The following NCAM2 variants were observed in gnomAD, a reference collection of about 807,000 sequenced individuals.
NCAM2 encodes neural cell adhesion molecule 2, also known as N-CAM-2.
A neutral mutation model predicts 98.1 loss-of-function variants in NCAM2; 30 were observed. The observed-to-expected ratio is 0.31, with a 90% confidence interval of 0.23 to 0.41. NCAM2 has a LOEUF of 0.41. Among genes scored for constraint, NCAM2 ranks in the 10% least tolerant of loss-of-function variants. NCAM2 has a pLI of 1.00. For synonymous variants in NCAM2, 368 were observed against 342.4 expected, an observed-to-expected ratio of 1.07 and a Z score of -0.83; for missense variants, 867 against 1,005.8, an observed-to-expected ratio of 0.86 and a Z score of 1.87.
chr21:21,487,533 G>A (rs961411210), intron 15 of NCAM2, among the ~76,000 whole-genome samples: 4 of 151,854 alleles, frequency 2.6e-5, no homozygotes, highest in Non-Finnish European at 4.4e-5. Flanking sequence ...GTATTGTATC[G>A]TTCACTGTTA....
At chr21:21,062,197 G>A (rs757072583) in intron 1 of NCAM2, among the ~76,000 whole-genome samples, 66 of 152,238 alleles carry the variant, frequency 4.3e-4, no homozygotes, top group African/African-American at 1.5e-3. Flanking sequence ...TGGCATATAC[G>A]TAAGTATAAA....
At chr21:21,082,221 C>G (rs1336760085) in intron 1 of NCAM2, among the ~76,000 whole-genome samples, 1 of 102,704 alleles carries the variant, frequency 9.7e-6, no homozygotes, top group Non-Finnish European at 1.7e-5. Context: ...GAGTGAGAAT[C>G]CTTTAAAAAA....
At chr21:21,409,847 A>G (rs2076820271) in intron 9 of NCAM2, among the ~76,000 whole-genome samples, 1 of 152,178 alleles carries the variant, frequency 6.6e-6, no homozygotes, top group South Asian at 2.1e-4. Flanking sequence ...GCGGTGGCTC[A>G]CGCCTGTAAT....
At chr21:21,125,059 A>G (rs565551212) in intron 1 of NCAM2, among the ~76,000 whole-genome samples, 1 of 152,220 alleles carries the variant, frequency 6.6e-6, no homozygotes, top group South Asian at 2.1e-4. Flanking sequence ...TTTATTACAT[A>G]TACTATTACC....
At chr21:21,373,534 A>G (rs2075967311) in intron 8 of NCAM2, among the ~76,000 whole-genome samples, 1 of 151,822 alleles carries the variant, frequency 6.6e-6, no homozygotes, top group South Asian at 2.1e-4. Context: ...TCCAAATTGT[A>G]AAGTGTGCTT....
chr21:21,350,384 A>G (rs2075302338), intron 8 of NCAM2, among the ~76,000 whole-genome samples: 2 of 152,086 alleles, frequency 1.3e-5, no homozygotes, highest in East Asian at 1.9e-4. Flanking sequence ...AATTGTTTTT[A>G]TTTTATTATT....
chr21:21,279,961 A>C (rs1412125258), intron 1 of NCAM2, among the ~76,000 whole-genome samples: 1 of 152,198 alleles, frequency 6.6e-6, no homozygotes, highest in East Asian at 1.9e-4. Context: ...AAACTTCTAG[A>C]TATTCAAGTA....
chr21:21,528,384 G>A (rs1989442453), intron 16 of NCAM2, among the ~76,000 whole-genome samples: 1 of 152,166 alleles, frequency 6.6e-6, no homozygotes, highest in Non-Finnish European at 1.5e-5. Context: ...TTCATTGATT[G>A]TAACAAATGC....
At chr21:21,136,198 T>A (rs1192226515) in intron 1 of NCAM2, among the ~76,000 whole-genome samples, 1 of 152,206 alleles carries the variant, frequency 6.6e-6, no homozygotes, top group Non-Finnish European at 1.5e-5. Flanking sequence ...AAATGGAGAC[T>A]CCTCACTATT....
intron 1 of NCAM2, among the ~76,000 whole-genome samples, chr21:21,231,003 C>T (rs1250467025): frequency 1.3e-5 from 2 of 151,170 alleles, no homozygotes; most frequent in African/African-American, 4.8e-5. Context: ...GACATTACTC[C>T]AGTGTGTGCT....
intron 1 of NCAM2, chr21:21,210,811 T>A: frequency 2.8e-6 from 1 of 356,432 alleles, no homozygotes; most frequent in Non-Finnish European, 4.8e-6. Flanking sequence ...ATGTGTCTTG[T>A]AGTTCAAAGG....
At chr21:21,026,639 T>A (rs9977107) in intron 1 of NCAM2, among the ~76,000 whole-genome samples, 148,412 of 150,454 alleles carry the variant, frequency 0.99, 73,208 homozygotes, top group East Asian at 1. Context: ...AAAAAAAAAA[T>A]TTTTCAAATT....
intron 8 of NCAM2, among the ~76,000 whole-genome samples, chr21:21,371,600 C>T (rs112046487): frequency 6.6e-6 from 1 of 151,810 alleles, no homozygotes; most frequent in African/African-American, 2.4e-5. Context: ...TGGAATTCTT[C>T]CCTCAACACC....
intron 1 of NCAM2, among the ~76,000 whole-genome samples, chr21:21,218,333 A>T (rs1304973470): frequency 6.6e-6 from 1 of 152,090 alleles, no homozygotes. Flanking sequence ...GAGGTTTGTG[A>T]CCAAGTATAC....
intron 5 of NCAM2, among the ~76,000 whole-genome samples, chr21:21,294,148 A>C (rs971671332): frequency 2.0e-5 from 3 of 150,928 alleles, no homozygotes; most frequent in Non-Finnish European, 4.4e-5. Context: ...TTTTGCACCA[A>C]CCTAATATTT....
chr21:21,117,034 T>C (rs1321304273), intron 1 of NCAM2, among the ~76,000 whole-genome samples: 1 of 152,196 alleles, frequency 6.6e-6, no homozygotes, highest in East Asian at 1.9e-4. Context: ...AAAAGGATTA[T>C]GTATATTCAG....
chr21:21,087,072 G>GTA (rs2065919556), intron 1 of NCAM2, among the ~76,000 whole-genome samples: 2 of 150,086 alleles, frequency 1.3e-5, no homozygotes. Flanking sequence ...GATTATGTGT[G>GTA]TGTGTGCGTG....
At chr21:21,262,795 A>G (rs1290015792) in intron 1 of NCAM2, among the ~76,000 whole-genome samples, 3 of 152,144 alleles carry the variant, frequency 2.0e-5, no homozygotes, top group Non-Finnish European at 4.4e-5. Context: ...ATGGACTCAC[A>G]GTTCCACGTG....
intron 8 of NCAM2, among the ~76,000 whole-genome samples, chr21:21,364,502 A>G (rs2075734662): frequency 1.3e-5 from 2 of 152,040 alleles, no homozygotes; most frequent in Admixed American, 1.3e-4. Flanking sequence ...TATAGACTAT[A>G]TAAGATTTCT....
Sources: allele counts gnomAD v4.1 joint callset (sites outside exome capture counted in the v4.1 genomes callset), GRCh38; gene constraint gnomAD v4.1.1; transcripts MANE v1.5; gene names NCBI Gene and HGNC (gene_info 2026-07-23, HGNC 2026-07-21).